TBC1D12: variants seen among roughly 807,000 people sequenced by gnomAD.
The protein encoded by TBC1D12 is TBC1 domain family member 12, also known as TBC1 domain family, member 12.
Under a neutral mutation model 86.7 loss-of-function variants are expected in TBC1D12, and 56 were observed. The observed-to-expected ratio is 0.65, with a 90% CI of 0.52 to 0.81. The LOEUF (loss-of-function observed/expected upper bound fraction) is 0.81, where lower values mean the gene tolerates loss of function less well. Among genes scored for constraint, TBC1D12 ranks in the 30% least tolerant of loss-of-function variants. The pLI is 0.00. For synonymous variants in TBC1D12, 421 were observed against 411.7 expected, an observed-to-expected ratio of 1.02 and a Z score of -0.27; for missense variants, 1,023 against 1,038.8, an observed-to-expected ratio of 0.98 and a Z score of 0.21.
At chr10:94,430,215 G>T (rs2055197131) in intron 1 of TBC1D12, among the ~76,000 whole-genome samples, 1 of 152,156 alleles carries the variant, frequency 6.6e-6, no homozygotes, top group Non-Finnish European at 1.5e-5. Context: ...CTATTGAAAT[G>T]ATTATTAGAA....
intron 1 of TBC1D12, among the ~76,000 whole-genome samples, chr10:94,415,282 CTT>C (rs1345607682): frequency 6.6e-6 from 1 of 152,170 alleles, no homozygotes; most frequent in Non-Finnish European, 1.5e-5. Flanking sequence ...CTTTTTTGTA[CTT>C]ACATAAGCCT....
intron 2 of TBC1D12, among the ~76,000 whole-genome samples, chr10:94,445,117 T>C (rs950295095): frequency 2.3e-4 from 34 of 149,758 alleles, no homozygotes; most frequent in African/African-American, 7.8e-4. Flanking sequence ...TCCCAGCACT[T>C]TGGGAGGCTG....
At chr10:94,459,906 G>A (rs2055698611) in intron 2 of TBC1D12, among the ~76,000 whole-genome samples, 1 of 152,146 alleles carries the variant, frequency 6.6e-6, no homozygotes, top group Non-Finnish European at 1.5e-5. Flanking sequence ...CAAGTAGAGG[G>A]AGCCAGCTCT....
At chr10:94,521,346 C>T (rs1417258757) in intron 9 of TBC1D12, among the ~76,000 whole-genome samples, 1 of 151,520 alleles carries the variant, frequency 6.6e-6, no homozygotes, top group East Asian at 1.9e-4. Flanking sequence ...ACAACATAAA[C>T]ACATCCTACC....
chr10:94,423,912 C>T (rs541833523), intron 1 of TBC1D12, among the ~76,000 whole-genome samples: 1 of 152,168 alleles, frequency 6.6e-6, no homozygotes, highest in Non-Finnish European at 1.5e-5. Flanking sequence ...GTGGGTTCCA[C>T]ATCTATGGAT....
chr10:94,530,774 C>T (rs1230617234), intron 11 of TBC1D12, among the ~76,000 whole-genome samples: 3 of 151,820 alleles, frequency 2.0e-5, no homozygotes, highest in African/African-American at 7.3e-5. Flanking sequence ...TTAGGCCTTT[C>T]CTCTACATAA....
chr10:94,417,132 C>A (rs1185589318), intron 1 of TBC1D12, among the ~76,000 whole-genome samples: 2 of 152,136 alleles, frequency 1.3e-5, no homozygotes, highest in Admixed American at 1.3e-4. Context: ...CGGTGACTTG[C>A]ATAGCGGTGT....
intron 2 of TBC1D12, among the ~76,000 whole-genome samples, chr10:94,452,878 T>G (rs1442463874): frequency 1.3e-5 from 2 of 152,244 alleles, no homozygotes; most frequent in South Asian, 4.1e-4. Context: ...AAAGTGGTTG[T>G]ACCATTGTGC....
intron 11 of TBC1D12, 113 bp from the exon 12 acceptor site, chr10:94,531,089 T>C: frequency 8.2e-7 from 1 of 1,222,474 alleles, no homozygotes; most frequent in Non-Finnish European, 1.1e-6. Flanking sequence ...AGCCATATGT[T>C]ATTTGCCTTC....
chr10:94,510,389 G>A (rs1042215964), intron 8 of TBC1D12, among the ~76,000 whole-genome samples: 5 of 152,092 alleles, frequency 3.3e-5, no homozygotes, highest in Admixed American at 1.3e-4. Context: ...AGTTAGCATA[G>A]CATTTAATAC....
rs1564937248 is a variant in TBC1D12, at chr10:94,418,116, T to C, written c.971+14532T>C. On this transcript the variant is annotated intron_variant, in intron 1 of 12. Coordinates refer to ENST00000225235, the MANE Select transcript of TBC1D12 (RefSeq NM_015188.2). ...AGACAGAGACCATGTTCTTGTTCATTTTTTTACCTCTGTGTAGAGATATAG... is the reference window on the plus strand; with the variant it reads ...AGACAGAGACCATGTTCTTGTTCATCTTTTTACCTCTGTGTAGAGATATAG... Among the ~76,000 whole-genome samples the C allele has an allele frequency of 1.3e-5, 2 of 152,124 alleles. 1 individual carries two copies. The highest frequency in any genetic ancestry group is 4.1e-4 in the South Asian group (2 of 4,832).
At chr10:94,493,999 A>T (rs1488286657) in intron 4 of TBC1D12, among the ~76,000 whole-genome samples, 1 of 151,652 alleles carries the variant, frequency 6.6e-6, no homozygotes, top group Non-Finnish European at 1.5e-5. Flanking sequence ...TTAATTTCTA[A>T]TTATTTTATA....
chr10:94,427,297 C>T (rs1449973963), intron 1 of TBC1D12, among the ~76,000 whole-genome samples: 2 of 152,082 alleles, frequency 1.3e-5, no homozygotes, highest in African/African-American at 4.8e-5. Context: ...TCCTTATTAC[C>T]GCTTGTGTGC....
At chr10:94,521,808 T>C (rs935811200) in intron 9 of TBC1D12, 147 bp from the exon 10 acceptor site, 1 of 614,964 alleles carries the variant, frequency 1.6e-6, no homozygotes, top group Non-Finnish European at 2.4e-6. Context: ...AGGGGCTCTC[T>C]GTATTTACCT....
intron 2 of TBC1D12, among the ~76,000 whole-genome samples, chr10:94,455,651 C>T (rs2055616329): frequency 6.6e-6 from 1 of 152,098 alleles, no homozygotes; most frequent in African/African-American, 2.4e-5. Context: ...CGTAATAAGC[C>T]AGGTGTGGTG....
In TBC1D12 at chr10:94,488,604, C is replaced by T. The variant is rs1331897649; in HGVS notation, c.1212-4761C>T. ...ATGGGGTTTTACCATGTTGGCCAGG[C>T]TGGTCTTGAACTCCTGACCTCAAGT... is the stretch of plus-strand genomic sequence containing the variant. On this transcript the variant is annotated intron_variant, in intron 3 of 12. Coordinates refer to ENST00000225235, the MANE Select transcript of TBC1D12 (RefSeq NM_015188.2). Among the ~76,000 whole-genome samples, 5 of 150,646 alleles carry T rather than the reference C, an allele frequency of 3.3e-5. No homozygotes were observed. In the South Asian group the frequency reaches 1.1e-3, roughly 32 times the overall value.
chr10:94,473,060 A>G (rs973962641), intron 2 of TBC1D12, among the ~76,000 whole-genome samples: 1 of 152,162 alleles, frequency 6.6e-6, no homozygotes, highest in African/African-American at 2.4e-5. Flanking sequence ...TTAAGCTTCA[A>G]GAAGATAATC....
chr10:94,530,120 C>T (rs763701242), intron 11 of TBC1D12, among the ~76,000 whole-genome samples: 31 of 152,040 alleles, frequency 2.0e-4, no homozygotes, highest in Non-Finnish European at 4.1e-4. Flanking sequence ...AGTTCCCTTC[C>T]TCAAACCCCA....
chr10:94,414,248 T>G (rs995824914), intron 1 of TBC1D12, among the ~76,000 whole-genome samples: 4 of 152,178 alleles, frequency 2.6e-5, no homozygotes, highest in Non-Finnish European at 5.9e-5. Context: ...TGTTTCCACG[T>G]TATTCTTGTT....
Sources: allele counts gnomAD v4.1 joint callset (sites outside exome capture counted in the v4.1 genomes callset), GRCh38; gene constraint gnomAD v4.1.1; transcripts MANE v1.5; gene names NCBI Gene and HGNC (gene_info 2026-07-23, HGNC 2026-07-21).